The following TRIQK variants were observed in gnomAD, a reference collection of about 807,000 sequenced individuals.
The protein encoded by TRIQK is triple QxxK/R motif-containing protein.
In TRIQK, 10 loss-of-function variants were observed where a neutral mutation model predicts 10.8. That is an observed-to-expected ratio of 0.92 (90% CI 0.57 to 1.57). The LOEUF is 1.57. Ranked by LOEUF, TRIQK falls within the 40% of genes most tolerant of loss-of-function variation. The pLI is 0.00. For missense variants in TRIQK, 107 were observed against 97.7 expected (o/e 1.09, Z -0.40); for synonymous variants, 33 against 33.7 (o/e 0.98, Z 0.07).
chr8:92,962,445 G>T (rs963864361), intron 1 of TRIQK, among the ~76,000 whole-genome samples: 2 of 152,148 alleles, frequency 1.3e-5, no homozygotes, highest in African/African-American at 4.8e-5. Context: ...GTGAGACAAA[G>T]AAATTCTTTA....
In TRIQK at chr8:92,889,192, C is replaced by T. The variant is rs565677420; in HGVS notation, c.148-2457G>A. 1.5e-4 allele frequency among the ~76,000 whole-genome samples: 23 copies of T among 151,784 alleles called. 1 individual carries two copies. The South Asian group carries it at 4.8e-3, about 31-fold the overall frequency. ...CCTTAAAACGCTATTACTAAACATA[C>T]ATTTACAAAAAGCACTAGAAGCCTC... On this transcript the variant is annotated intron_variant, in intron 4 of 4. Coordinates refer to ENST00000521988, the MANE Select transcript of TRIQK (RefSeq NM_001171797.2).
intron 1 of TRIQK, among the ~76,000 whole-genome samples, chr8:92,990,707 T>C (rs1015269083): frequency 5.3e-5 from 8 of 152,162 alleles, no homozygotes; most frequent in Non-Finnish European, 1.2e-4. Flanking sequence ...CCATGAAGGA[T>C]GGTGCACTCC....
intron 3 of TRIQK, among the ~76,000 whole-genome samples, chr8:92,904,601 T>A (rs377103276): frequency 1.3e-5 from 2 of 152,088 alleles, no homozygotes; most frequent in Non-Finnish European, 2.9e-5. Context: ...TTCTCAGGCC[T>A]GATCACAGAT....
chr8:92,963,923 T>C (rs1302970870), intron 1 of TRIQK: 1 of 152,234 alleles, frequency 6.6e-6, no homozygotes, highest in Non-Finnish European at 1.5e-5. Flanking sequence ...AGTTTCACAT[T>C]TTTCTCAAAA....
chr8:92,915,474 G>A (rs966662052), intron 3 of TRIQK, among the ~76,000 whole-genome samples: 60 of 151,164 alleles, frequency 4.0e-4, no homozygotes, highest in Non-Finnish European at 5.9e-5. Flanking sequence ...CCTTAAATAC[G>A]TACTATAAAC....
intron 2 of TRIQK, among the ~76,000 whole-genome samples, chr8:92,929,928 A>C (rs1810625456): frequency 6.6e-6 from 1 of 152,124 alleles, no homozygotes; most frequent in Non-Finnish European, 1.5e-5. Context: ...CTAAAAAGTA[A>C]TTAATCGCAT....
At chr8:92,907,254 T>C (rs1809323495) in intron 3 of TRIQK, among the ~76,000 whole-genome samples, 1 of 152,192 alleles carries the variant, frequency 6.6e-6, no homozygotes, top group Non-Finnish European at 1.5e-5. Flanking sequence ...AAGACCAAAG[T>C]GGAATGGATA....
At chr8:93,001,148 A>G (rs1813206911) in intron 1 of TRIQK, among the ~76,000 whole-genome samples, 1 of 152,048 alleles carries the variant, frequency 6.6e-6, no homozygotes, top group Admixed American at 6.5e-5. Context: ...TCTACTAAAA[A>G]TACAAAAAAT....
chr8:93,005,263 T>C (rs1813256414), intron 1 of TRIQK, among the ~76,000 whole-genome samples: 1 of 152,222 alleles, frequency 6.6e-6, no homozygotes. Context: ...AAGCACATTT[T>C]CTTGTGGGTG....
At chr8:93,017,341 T>C (rs994102816) in intron 1 of TRIQK, among the ~76,000 whole-genome samples, 26 of 152,124 alleles carry the variant, frequency 1.7e-4, no homozygotes, top group African/African-American at 5.3e-4. Flanking sequence ...GATGAAAATA[T>C]CACCTCTATT....
chr8:92,949,814 G>T (rs1586483166), intron 2 of TRIQK, among the ~76,000 whole-genome samples: 1 of 101,354 alleles, frequency 9.9e-6, no homozygotes. Flanking sequence ...AAGAAAGAAA[G>T]AAAGAAAGAA....
chr8:92,983,173 T>C (rs1192373777), intron 1 of TRIQK, among the ~76,000 whole-genome samples: 1 of 152,006 alleles, frequency 6.6e-6, no homozygotes, highest in Admixed American at 6.6e-5. Flanking sequence ...GACAGCAGGG[T>C]TGCTACCCAT....
intron 1 of TRIQK, among the ~76,000 whole-genome samples, chr8:92,978,914 A>G (rs946131026): frequency 1.3e-5 from 2 of 152,214 alleles, no homozygotes; most frequent in African/African-American, 4.8e-5. Flanking sequence ...CAATTTTACT[A>G]TTCCTGCTAC....
intron 1 of TRIQK, chr8:92,964,896 A>G (rs944907682): frequency 1.3e-5 from 2 of 152,178 alleles, no homozygotes; most frequent in South Asian, 2.1e-4. Context: ...TTGTAGGCCA[A>G]TGCTCCTCCC....
intron 1 of TRIQK, among the ~76,000 whole-genome samples, chr8:93,002,205 C>G (rs13252438): frequency 0.019 from 2,829 of 151,890 alleles, 41 homozygotes; most frequent in Non-Finnish European, 0.027. Flanking sequence ...CATTGCACCT[C>G]AAGGAATTAG....
rs1016932266 is a variant in TRIQK at position 92,992,125 on chromosome 8, A to G, written c.-181+25484T>C. On this transcript the variant is annotated intron_variant, in intron 1 of 4. Coordinates refer to the TRIQK transcript ENST00000520686. The stretch of plus-strand genomic sequence containing the variant: ...CTCTAGGGAGTCCTTTCAGTGGCAC[A>G]GAGGCATGAAACTCTGCTTGTACCC... Among the ~76,000 whole-genome samples, 6 of 152,288 alleles carry G rather than the reference A, an allele frequency of 3.9e-5. No homozygotes were observed. The East Asian group carries it at 1.2e-3, about 30-fold the overall frequency.
intron 3 of TRIQK, among the ~76,000 whole-genome samples, chr8:92,908,374 TA>T (rs1255902420): frequency 7.9e-5 from 12 of 152,144 alleles, no homozygotes; most frequent in Non-Finnish European, 1.8e-4. Flanking sequence ...GAATACTGCA[TA>T]AGCTGCTTAT....
chr8:93,006,801 C>A (rs187279931), intron 1 of TRIQK, among the ~76,000 whole-genome samples: 1 of 152,254 alleles, frequency 6.6e-6, no homozygotes, highest in African/African-American at 2.4e-5. Flanking sequence ...GTGGGGCCTC[C>A]CTACAAGAAT....
rs954708190 is a variant in TRIQK, at chr8:92,994,674, A to G, written c.-181+22935T>C. 5.3e-5 allele frequency among the ~76,000 whole-genome samples: 8 copies of G among 151,540 alleles called. No homozygotes were observed. The East Asian group carries it at 5.8e-4, about 11-fold the overall frequency. ...AGTCCTGGTCCTTCTCTTTCTTCCA[A>G]TTCTTGACACTCAATCCAATATATA... On this transcript the variant is annotated intron_variant, in intron 1 of 4. Coordinates refer to the TRIQK transcript ENST00000520686.
Sources: allele counts gnomAD v4.1 joint callset (sites outside exome capture counted in the v4.1 genomes callset), GRCh38; gene constraint gnomAD v4.1.1; transcripts MANE v1.5; gene names NCBI Gene and HGNC (gene_info 2026-07-23, HGNC 2026-07-21).